GPHN: variants seen among roughly 807,000 people sequenced by gnomAD.
GPHN encodes the protein gephyrin.
In GPHN, 17 loss-of-function variants were observed where a neutral mutation model predicts 95.5. The ratio of observed to expected loss-of-function variants is 0.18; its 90% CI spans 0.12 to 0.27. The LOEUF (loss-of-function observed/expected upper bound fraction) is 0.27. Ranked by LOEUF, GPHN falls within the 10% of genes least tolerant of loss-of-function variation. The pLI is 1.00. For missense variants in GPHN, 660 were observed against 978.1 expected (o/e 0.67, Z 4.34); for synonymous variants, 320 against 322.5 (o/e 0.99, Z 0.08).
chr14:66,894,225 G>A (rs1324520832), intron 5 of GPHN, among the ~76,000 whole-genome samples: 1 of 152,142 alleles, frequency 6.6e-6, no homozygotes, highest in Non-Finnish European at 1.5e-5. Context: ...ACCACTATCT[G>A]ATCCTGGGCA....
At chr14:66,741,341 A>C (rs752461468) in intron 2 of GPHN, among the ~76,000 whole-genome samples, 12 of 152,216 alleles carry the variant, frequency 7.9e-5, no homozygotes, top group Non-Finnish European at 1.6e-4. Context: ...TTTGTGTGCT[A>C]CACGTTGCAC....
the GPHN span, chr14:67,472,954 G>A: frequency 1.2e-5 from 2 of 173,554 alleles, no homozygotes; most frequent in East Asian, 3.1e-4. Context: ...AGCTCAGCAG[G>A]CCCCTGGGGA....
rs116763986 is a variant in GPHN, at chr14:66,940,706, G to A, written c.828+16414G>A. On this transcript the variant is annotated intron_variant, in intron 8 of 22. Coordinates refer to ENST00000478722, the MANE Select transcript of GPHN (RefSeq NM_020806.5). ...ATTGTGCCTTTTAACTTCCATTACC[G>A]TCTGCCTCTGGATTCCTCAGATCTA... 5.6e-3 allele frequency among the ~76,000 whole-genome samples: 854 copies of A among 152,200 alleles called. 6 individuals carry two copies. The highest frequency in any genetic ancestry group is 0.018 in the African/African-American group (739 of 41,526).
At chr14:67,721,257 AG>A in the GPHN span, among the ~76,000 whole-genome samples, 1 of 152,134 alleles carries the variant, frequency 6.6e-6, no homozygotes, top group Non-Finnish European at 1.5e-5. Context: ...AGGAACACAG[AG>A]CGAGGAAGGG....
chr14:66,598,524 T>C (rs2062080033), intron 1 of GPHN, among the ~76,000 whole-genome samples: 1 of 152,112 alleles, frequency 6.6e-6, no homozygotes, highest in South Asian at 2.1e-4. Context: ...CCTCCACTTC[T>C]GTCCCTAAAA....
At chr14:66,792,906 A>G (rs918905656) in intron 3 of GPHN, among the ~76,000 whole-genome samples, 5 of 152,272 alleles carry the variant, frequency 3.3e-5, no homozygotes, top group Admixed American at 1.3e-4. Flanking sequence ...CTTATGGGAA[A>G]CGAAGGGATG....
At chr14:67,493,825 T>A in the GPHN span, among the ~76,000 whole-genome samples, 291 of 152,320 alleles carry the variant, frequency 1.9e-3, no homozygotes, top group African/African-American at 6.5e-3. Context: ...TATAAGGATG[T>A]CAGTCTGAAA....
chr14:67,152,749 G>C (rs899702991), intron 18 of GPHN, among the ~76,000 whole-genome samples: 1 of 148,124 alleles, frequency 6.8e-6, no homozygotes, highest in Non-Finnish European at 1.5e-5. Flanking sequence ...GGCAGATCAC[G>C]AGGTCAGGAG....
At chr14:66,961,900 G>GTATATATATATATATATATA (rs767734322) in intron 8 of GPHN, among the ~76,000 whole-genome samples, 1 of 52,958 alleles carries the variant, frequency 1.9e-5, no homozygotes, top group Non-Finnish European at 4.4e-5. Flanking sequence ...CCCTGAATGT[G>GTATATATATATATATATATA]TATATATATA....
At chr14:66,864,324 G>A (rs2063148076) in intron 4 of GPHN, among the ~76,000 whole-genome samples, 1 of 152,126 alleles carries the variant, frequency 6.6e-6, no homozygotes, top group Non-Finnish European at 1.5e-5. Flanking sequence ...ACAAATACTG[G>A]TGAGGACTAG....
At chr14:67,666,120 C>T in the GPHN span, among the ~76,000 whole-genome samples, 1 of 152,216 alleles carries the variant, frequency 6.6e-6, no homozygotes, top group Non-Finnish European at 1.5e-5. Context: ...CATGCTCACT[C>T]CTGATCCAAG....
At chr14:66,901,451 G>A (rs1276031901) in intron 5 of GPHN, among the ~76,000 whole-genome samples, 1 of 151,868 alleles carries the variant, frequency 6.6e-6, no homozygotes, top group East Asian at 1.9e-4. Context: ...AAAAATCTTT[G>A]CCTGGAAAGA....
chr14:66,610,200 A>G (rs577238940), intron 1 of GPHN, among the ~76,000 whole-genome samples: 2 of 150,672 alleles, frequency 1.3e-5, no homozygotes, highest in South Asian at 4.2e-4. Context: ...ATATTGGCAG[A>G]ATATTTTTGG....
the GPHN span, among the ~76,000 whole-genome samples, chr14:67,420,667 T>C: frequency 6.6e-6 from 1 of 152,112 alleles, no homozygotes; most frequent in East Asian, 1.9e-4. Context: ...GAACCTAGTG[T>C]GCAACATTTC....
At chr14:67,047,332 GTT>G (rs1491566893) in intron 10 of GPHN, among the ~76,000 whole-genome samples, 1,141 of 70,750 alleles carry the variant, frequency 0.016, 8 homozygotes, top group Non-Finnish European at 0.026. Flanking sequence ...GTGTGTGTGT[GTT>G]TGTGTGTGTG....
At chr14:67,177,257 CA>C (rs2083037792) in intron 21 of GPHN, among the ~76,000 whole-genome samples, 2 of 152,176 alleles carry the variant, frequency 1.3e-5, no homozygotes, top group Admixed American at 1.3e-4. Flanking sequence ...AAACGTGTCC[CA>C]AAGATTCTGG....
At chr14:67,271,806 C>T in the GPHN span, 3 of 152,242 alleles carry the variant, frequency 2.0e-5, no homozygotes, top group Admixed American at 2.0e-4. Context: ...GGCACGGTGG[C>T]TCACGCCTGT....
intron 1 of GPHN, among the ~76,000 whole-genome samples, chr14:66,618,141 T>C (rs1300111878): frequency 2.0e-5 from 3 of 152,198 alleles, no homozygotes; most frequent in Non-Finnish European, 4.4e-5. Flanking sequence ...TAGTACAATA[T>C]TGAATAGAAG....
chr14:66,821,426 C>T (rs2061185746), intron 3 of GPHN, among the ~76,000 whole-genome samples: 1 of 152,146 alleles, frequency 6.6e-6, no homozygotes, highest in African/African-American at 2.4e-5. Flanking sequence ...CCACTGGTGC[C>T]AGTTCTCAGA....
Sources: gnomAD v4.1 joint callset for allele counts (sites outside exome capture counted in the v4.1 genomes callset) on GRCh38, gnomAD v4.1.1 for gene constraint, MANE v1.5 for transcripts, NCBI Gene and HGNC (gene_info 2026-07-23, HGNC 2026-07-21) for gene names.